The following SPATA18 variants were observed in gnomAD, a reference collection of about 807,000 sequenced individuals.
SPATA18 encodes the protein mitochondria-eating protein.
In SPATA18, 54 loss-of-function variants were observed where a neutral mutation model predicts 68.1. The observed-to-expected ratio is 0.79, with a 90% confidence interval of 0.64 to 0.99. The LOEUF (loss-of-function observed/expected upper bound fraction) is 0.99, where lower values mean the gene tolerates loss of function less well. Among genes scored for constraint, SPATA18 ranks in the 50% least tolerant of loss-of-function variants. The pLI is 0.00. For synonymous variants in SPATA18, 242 were observed against 244.8 expected (o/e 0.99, Z 0.11); for missense variants, 724 against 681.1 (o/e 1.06, Z -0.70).
rs530060079 is a variant in SPATA18 at position 52,082,403 on chromosome 4, G to A, written c.1372G>A (p.Asp458Asn). 7.4e-6 allele frequency: 12 copies of A among 1,613,884 alleles called. No individual in the cohort carries two copies. The highest frequency in any genetic ancestry group is 1.7e-4 in the Middle Eastern group (1 of 6,058). The change falls in exon 10 of 13, where the codon GAC becomes AAC. Residue 458 changes from aspartate to asparagine, a missense_variant. Transcript: ENST00000295213. Reference protein sequence around the residue: ...FNDCKYRRSYDSDFTAPLVLY... With the variant: ...FNDCKYRRSYNSDFTAPLVLY... ...TGAAAACAGATACCGCCGCAGCTAC[G>A]ACTCGGATTTCACTGCTCCCTTAGT...
chr4:52,055,475 A>G (rs1202133389), intron 1 of SPATA18, among the ~76,000 whole-genome samples: 2 of 152,184 alleles, frequency 1.3e-5, no homozygotes, highest in Admixed American at 6.5e-5. Context: ...ACTTCACAAT[A>G]TAGCACACAT....
chr4:52,081,395 A>G (rs757866736), intron 9 of SPATA18, among the ~76,000 whole-genome samples: 11 of 152,222 alleles, frequency 7.2e-5, no homozygotes, highest in Non-Finnish European at 1.5e-4. Context: ...AGCCTTTTGT[A>G]CATTTGAAAG....
At chr4:52,065,939 T>C (rs1277975939) in intron 4 of SPATA18, among the ~76,000 whole-genome samples, 1 of 152,180 alleles carries the variant, frequency 6.6e-6, no homozygotes, top group Admixed American at 6.5e-5. Context: ...TCTATCAGAA[T>C]GTCCAATTGA....
intron 1 of SPATA18, among the ~76,000 whole-genome samples, chr4:52,057,933 A>C (rs1738490463): frequency 6.6e-6 from 1 of 152,244 alleles, no homozygotes; most frequent in South Asian, 2.1e-4. Flanking sequence ...GCAGGGTCAC[A>C]TAGAACTGTG....
rs1294455911 is a variant in SPATA18 at position 52,060,762 on chromosome 4, C to T, written c.194-20C>T. ...CATGTTGGTGTGCTGCACCCATTAA[C>T]TCGTCATTTAACATTTTAGGAGGAC... On this transcript the variant is annotated intron_variant, in intron 2 of 12. Coordinates refer to ENST00000295213, the MANE Select transcript of SPATA18 (RefSeq NM_145263.4). 3 of 1,606,180 alleles carry T rather than the reference C, an allele frequency of 1.9e-6. No homozygotes were observed. The African/African-American group carries it at 4.0e-5, about 21-fold the overall frequency.
rs1742330931 is a variant in SPATA18, at chr4:52,095,241, T to C, written c.*354T>C. 3.5e-6 allele frequency: 1 copy of C among 283,774 alleles called. No individual in the cohort carries two copies. The allele number at this position is 283,774 out of a possible 1,614,324, so 17.6% of individuals were successfully genotyped here. On this transcript the variant is annotated 3_prime_UTR_variant, in exon 13 of 13. Coordinates refer to ENST00000295213, the MANE Select transcript of SPATA18 (RefSeq NM_145263.4). The stretch of plus-strand genomic sequence containing the variant: ...TGTGTGAACTGAAGTGGAAAGCATC[T>C]ACCATGCTGAGGCTAAAAGAAAAGA...
intron 9 of SPATA18, 135 bp downstream of exon 9, chr4:52,080,054 T>C: frequency 4.4e-6 from 4 of 910,044 alleles, no homozygotes; most frequent in Non-Finnish European, 6.6e-6. Flanking sequence ...GGCCCTACCA[T>C]ATACTTCTCT....
chr4:52,082,653 C>CAAG (rs1741048134), intron 10 of SPATA18, 143 bp downstream of exon 10: 8 of 1,535,630 alleles, frequency 5.2e-6, no homozygotes, highest in Non-Finnish European at 6.1e-6. Flanking sequence ...GAGATGATCT[C>CAAG]AAGAAGAACT....
At chr4:52,078,517 A>G in intron 7 of SPATA18, 4 of 397,992 alleles carry the variant, frequency 1.0e-5, no homozygotes, top group East Asian at 3.8e-5. Context: ...ATAATAGTCA[A>G]CTGTCTTGAT....
chr4:52,060,476 A>G lies in SPATA18; in HGVS notation c.145A>G (p.Lys49Glu). 6.2e-7 allele frequency: 1 copy of G among 1,614,070 alleles called. No individual in the cohort carries two copies. The highest frequency in any genetic ancestry group is 1.7e-5 in the Admixed American group (1 of 59,978). ...HCLELIEQVA[K>E]VQGQLFGILT... ...CCTTGAACTCATTGAGCAAGTTGCC[A>G]AGGTGCAGGGACAACTCTTTGGGAT... is the stretch of plus-strand genomic sequence containing the variant. Residue 49 changes from lysine to glutamate, a missense_variant, in exon 2 of 13, where the codon AAG becomes GAG. Physicochemically the swap from Lys to Glu is moderately conservative, Grantham distance 56. Coordinates refer to ENST00000295213, the MANE Select transcript of SPATA18 (RefSeq NM_145263.4).
rs879820621 is a variant in SPATA18 at position 52,051,591 on chromosome 4, C to T, written c.-114C>T. ...ATGGAAACACCTGCCGCGCTCTGAGCCCCCCAGAAGAGAACACCCTTCCCG... is the reference window on the plus strand; with the variant it reads ...ATGGAAACACCTGCCGCGCTCTGAGTCCCCCAGAAGAGAACACCCTTCCCG... On this transcript the variant is annotated 5_prime_UTR_variant, in exon 1 of 13. Transcript: ENST00000295213. The T allele has an allele frequency of 1.4e-5, 14 of 983,118 alleles. No homozygotes were observed. The highest frequency in any genetic ancestry group is 2.2e-5 in the Non-Finnish European group (14 of 626,146). 60.9% of individuals were successfully genotyped at this position (983,118 alleles called of 1,614,324 possible). A position where few individuals can be genotyped will look rare whatever the true frequency, so the allele number is the denominator to read the frequency against.
At chr4:52,089,138 T>A (rs1478635743) in intron 11 of SPATA18, among the ~76,000 whole-genome samples, 1 of 152,196 alleles carries the variant, frequency 6.6e-6, no homozygotes, top group African/African-American at 2.4e-5. Flanking sequence ...ACCCCTCTTA[T>A]CATTTTTTAT....
intron 8 of SPATA18, among the ~76,000 whole-genome samples, chr4:52,079,357 ATAGT>A (rs1400679254): frequency 6.6e-6 from 1 of 152,252 alleles, no homozygotes; most frequent in East Asian, 1.9e-4. Flanking sequence ...GACATGGCAC[ATAGT>A]TAACACTCAA....
chr4:52,056,862 TTCCTCTGTTGCA>T (rs921072703), intron 1 of SPATA18, among the ~76,000 whole-genome samples: 3 of 152,186 alleles, frequency 2.0e-5, no homozygotes, highest in African/African-American at 7.2e-5. Context: ...CACACCCACC[TTCCTCTGTTGCA>T]TCCTTAAACA....
chr4:52,060,353 G>A, intron 1 of SPATA18, 66 bp from the exon 2 acceptor site: 1 of 1,354,374 alleles, frequency 7.4e-7, no homozygotes, highest in African/African-American at 1.4e-5. Context: ...GTGAGGCCCT[G>A]GTCTGTCTGC....
chr4:52,072,401 G>C (rs561981441), intron 6 of SPATA18, among the ~76,000 whole-genome samples: 1 of 151,798 alleles, frequency 6.6e-6, no homozygotes, highest in African/African-American at 2.4e-5. Context: ...GAGAAGGAAA[G>C]TTCTTTTTTT....
intron 11 of SPATA18, among the ~76,000 whole-genome samples, chr4:52,085,766 A>G (rs935581962): frequency 5.3e-5 from 8 of 151,982 alleles, no homozygotes; most frequent in African/African-American, 1.4e-4. Context: ...CAAATTAGCC[A>G]GGCATGGTGG....
intron 2 of SPATA18, 28 bp from the exon 3 acceptor site, chr4:52,060,754 C>T (rs746094784): frequency 1.3e-6 from 2 of 1,584,344 alleles, no homozygotes; most frequent in East Asian, 2.2e-5. Flanking sequence ...GTGTGCTGCA[C>T]CCATTAACTC....
At position 52,079,794 on chromosome 4, in the gene SPATA18, C is replaced by T. The variant is rs1284003790; in HGVS notation, c.1230C>T (p.Val410=). Residue 410 remains valine (V), a synonymous_variant, in exon 9 of 13, where the codon GTC becomes GTT. Transcript: ENST00000295213. ...NVNPKISFPP[V]VDFCLLSDFI... is the part of the protein sequence containing the mutation. ...ATCCCAAGATTTCATTCCCTCCTGTCGTTGACTTTTGCCTTCTCAGTGACT... is the reference window on the plus strand; with the variant it reads ...ATCCCAAGATTTCATTCCCTCCTGTTGTTGACTTTTGCCTTCTCAGTGACT... 5 of 1,613,998 alleles carry T rather than the reference C, an allele frequency of 3.1e-6. No individual in the cohort carries two copies. Among genetic ancestry groups the T allele is most frequent in the Admixed American group, 1.7e-5 (1 of 60,002 alleles).
Sources: gnomAD v4.1 joint callset for allele counts (sites outside exome capture counted in the v4.1 genomes callset) on GRCh38, gnomAD v4.1.1 for gene constraint, MANE v1.5 for transcripts, NCBI Gene and HGNC (gene_info 2026-07-23, HGNC 2026-07-21) for gene names.